The following ZCCHC4 variants were observed in gnomAD, a reference collection of about 807,000 sequenced individuals.
ZCCHC4 encodes the protein zinc finger CCHC-type containing 4.
A neutral mutation model predicts 67.7 loss-of-function variants in ZCCHC4; 54 were observed. That is an observed-to-expected ratio of 0.80 (90% confidence interval 0.64 to 1.00). The LOEUF is 1.00. ZCCHC4 is among the 50% of genes least tolerant of loss of function. ZCCHC4 has a pLI of 0.00. For synonymous variants in ZCCHC4, 198 were observed against 213.5 expected, an observed-to-expected ratio of 0.93 and a Z score of 0.63; for missense variants, 609 against 617.0, an observed-to-expected ratio of 0.99 and a Z score of 0.14.
At chr4:25,337,178 C>T (rs979722270) in intron 5 of ZCCHC4, among the ~76,000 whole-genome samples, 7 of 152,166 alleles carry the variant, frequency 4.6e-5, no homozygotes, top group Non-Finnish European at 8.8e-5. Context: ...GAATAAGGCA[C>T]TCAGGATTTT....
At position 25,369,158 on chromosome 4, in the gene ZCCHC4, C is replaced by G. The variant is rs1241769413; in HGVS notation, c.1536C>G (p.Gly512=). ...GGGAAAGAGCCCATCAATATCTTGG[C>G]TCTTAAATGTCCAGTGACTGGAGAA... ...KRRERAHQYL[G]S Residue 512 remains glycine, a synonymous_variant, in exon 13 of 13, where the codon GGC becomes GGG. Coordinates refer to ENST00000302874, the MANE Select transcript of ZCCHC4 (RefSeq NM_024936.3). The G allele has an allele frequency of 2.5e-6, 4 of 1,610,130 alleles. No homozygotes were observed. Among genetic ancestry groups the G allele is most frequent in the Non-Finnish European group, 3.4e-6 (4 of 1,179,182 alleles).
intron 10 of ZCCHC4, among the ~76,000 whole-genome samples, chr4:25,363,664 A>C (rs542208275): frequency 3.3e-5 from 5 of 152,374 alleles, no homozygotes; most frequent in African/African-American, 1.2e-4. Flanking sequence ...CAATGTTAAT[A>C]CATCTGATCG....
chr4:25,365,048 C>T lies in ZCCHC4; in HGVS notation c.1288C>T (p.His430Tyr). The change falls in exon 12 of 13, where the codon CAC becomes TAC. Residue 430 changes from histidine (H) to tyrosine (Y), a missense_variant. Coordinates refer to ENST00000302874, the MANE Select transcript of ZCCHC4 (RefSeq NM_024936.3). ...CTGGATCCACTGTAGCATCTGCAAT[C>T]ACTGTGCTGTTCCAGATCATTCTTG... ...PSWIHCSICNHCAVPDHSCEG... is the reference protein window; with the variant it reads ...PSWIHCSICNYCAVPDHSCEG... 1 of 1,614,166 alleles carries T rather than the reference C, an allele frequency of 6.2e-7. No individual in the cohort carries two copies. The highest frequency in any genetic ancestry group is 8.5e-7 in the Non-Finnish European group (1 of 1,180,002).
Position 25,369,299 on chromosome 4 carries a change from C to A in ZCCHC4, c.*135C>A. 1 of 1,266,938 alleles carries A rather than the reference C, an allele frequency of 7.9e-7. No individual in the cohort carries two copies. Among genetic ancestry groups the A allele is most frequent in the Non-Finnish European group, 1.1e-6 (1 of 914,850 alleles). 78.5% of individuals were successfully genotyped at this position (1,266,938 alleles called of 1,614,324 possible). A position where few individuals can be genotyped will look rare whatever the true frequency, so the allele number is the denominator to read the frequency against. ...TCTGAGCTAGATAACAGGCAGGTGGCATTTGCTGGTTTACAGTCCCTTATC... is the reference window on the plus strand; with the variant it reads ...TCTGAGCTAGATAACAGGCAGGTGGAATTTGCTGGTTTACAGTCCCTTATC... On this transcript the variant is annotated 3_prime_UTR_variant, in exon 13 of 13. Coordinates refer to ENST00000302874, the MANE Select transcript of ZCCHC4 (RefSeq NM_024936.3).
intron 6 of ZCCHC4, among the ~76,000 whole-genome samples, chr4:25,349,023 A>G (rs920668447): frequency 2.0e-5 from 3 of 152,200 alleles, no homozygotes; most frequent in African/African-American, 7.2e-5. Context: ...AAACATATGC[A>G]TGTTTAACTG....
chr4:25,333,849 G>T, intron 4 of ZCCHC4, 59 bp from the exon 5 acceptor site: 2 of 1,173,908 alleles, frequency 1.7e-6, no homozygotes, highest in South Asian at 1.6e-5. Context: ...TTGTTTGTTT[G>T]TTTATTGTCT....
In ZCCHC4 at chr4:25,359,910, C is replaced by A. The variant is rs548225912; in HGVS notation, c.1012-1949C>A. Among the ~76,000 whole-genome samples, 64 of 152,356 alleles carry A rather than the reference C, an allele frequency of 4.2e-4. No individual in the cohort carries two copies. Among genetic ancestry groups the A allele is most frequent in the African/African-American group, 1.5e-3 (63 of 41,582 alleles). ...TGTGAAATTAGCAATCCACTGGTCT[C>A]CCACCAATGTACAGCAAGTGCTGGT... On this transcript the variant is annotated intron_variant, in intron 8 of 12. Coordinates refer to ENST00000302874, the MANE Select transcript of ZCCHC4 (RefSeq NM_024936.3). This position sits in a 1 kb window ranked among gnomAD's most constrained non-coding sequence, Gnocchi z 4.9.
At chr4:25,361,293 C>T (rs1720724749) in intron 8 of ZCCHC4, among the ~76,000 whole-genome samples, 1 of 152,228 alleles carries the variant, frequency 6.6e-6, no homozygotes, top group African/African-American at 2.4e-5. Context: ...GTTATGAATT[C>T]AGGGCTCCAC....
chr4:25,321,048 G>C (rs28664671), intron 3 of ZCCHC4, among the ~76,000 whole-genome samples: 65,798 of 151,960 alleles, frequency 0.43, 16,285 homozygotes, highest in Non-Finnish European at 0.56. Context: ...GACCATATTT[G>C]AGTAACAAAA....
intron 5 of ZCCHC4, among the ~76,000 whole-genome samples, chr4:25,334,462 G>A (rs1719352740): frequency 1.3e-5 from 2 of 152,142 alleles, no homozygotes; most frequent in Non-Finnish European, 2.9e-5. Context: ...TGCTAAGTAG[G>A]GGATAGACAG....
intron 3 of ZCCHC4, among the ~76,000 whole-genome samples, chr4:25,331,232 T>A (rs1222065484): frequency 1.3e-5 from 2 of 152,204 alleles, no homozygotes; most frequent in African/African-American, 4.8e-5. Flanking sequence ...ATTTTGTCTT[T>A]TTAAAACTTC....
intron 3 of ZCCHC4, among the ~76,000 whole-genome samples, chr4:25,328,731 G>A (rs1719022502): frequency 6.6e-6 from 1 of 151,684 alleles, no homozygotes; most frequent in Admixed American, 6.6e-5. Context: ...ACAGGCACTT[G>A]CCACCACACC....
At chr4:25,361,770 G>A (rs1720747539) in intron 8 of ZCCHC4, 89 bp from the exon 9 acceptor site, 1 of 1,286,390 alleles carries the variant, frequency 7.8e-7, no homozygotes, top group Non-Finnish European at 1.1e-6. Flanking sequence ...TCATATATTG[G>A]CATCAGTTTG....
rs114239716 is a variant in ZCCHC4, at chr4:25,330,284, C to G, written c.330-2899C>G. Among the ~76,000 whole-genome samples, 1,252 of 152,166 alleles carry G rather than the reference C, an allele frequency of 8.2e-3. 13 individuals are homozygous for G. The highest frequency in any genetic ancestry group is 0.024 in the African/African-American group (1,012 of 41,536). On this transcript the variant is annotated intron_variant, in intron 3 of 12. Transcript: ENST00000302874. ...GGGATTACAGATGTGAGCTACCATG[C>G]CTTGCTGATTTTTTTTTTCTTCTAA... is the stretch of plus-strand genomic sequence containing the variant.
chr4:25,335,273 C>A (rs968348204), intron 5 of ZCCHC4, among the ~76,000 whole-genome samples: 3 of 152,084 alleles, frequency 2.0e-5, no homozygotes, highest in African/African-American at 4.8e-5. Flanking sequence ...ATGGTGAAAC[C>A]CTGTCCCTAC....
intron 5 of ZCCHC4, among the ~76,000 whole-genome samples, chr4:25,335,936 C>T (rs954502568): frequency 3.3e-5 from 5 of 152,168 alleles, no homozygotes; most frequent in African/African-American, 1.2e-4. Flanking sequence ...CACTAGCACA[C>T]TTTACTAACA....
At chr4:25,313,795 AG>A (rs1443749452) in intron 1 of ZCCHC4, among the ~76,000 whole-genome samples, 4 of 152,158 alleles carry the variant, frequency 2.6e-5, no homozygotes, top group African/African-American at 9.7e-5. Flanking sequence ...GAGGCTAGGA[AG>A]CAGGATCTCA....
intron 3 of ZCCHC4, among the ~76,000 whole-genome samples, chr4:25,316,744 T>G (rs1017540468): frequency 1.5e-4 from 23 of 152,214 alleles, no homozygotes; most frequent in African/African-American, 5.3e-4. Flanking sequence ...TTGCAAATAT[T>G]TTCTCCTATT....
intron 8 of ZCCHC4, chr4:25,361,617 G>A (rs900016128): frequency 3.2e-5 from 14 of 436,566 alleles, no homozygotes; most frequent in Admixed American, 1.2e-4. Flanking sequence ...GCCCAGTCTC[G>A]CTCATGCCCA....
Sources: gnomAD v4.1 joint callset for allele counts (sites outside exome capture counted in the v4.1 genomes callset) on GRCh38, gnomAD v4.1.1 for gene constraint, Gnocchi (gnomAD v3.1) non-coding constraint, MANE v1.5 for transcripts, NCBI Gene and HGNC (gene_info 2026-07-23, HGNC 2026-07-21) for gene names.